The following TGFBR1 variants were observed in gnomAD, a reference collection of about 807,000 sequenced individuals.
TGFBR1 encodes the protein TGF-beta receptor type-1.
Under a neutral mutation model 55.1 loss-of-function variants are expected in TGFBR1, and 20 were observed. That is an observed-to-expected ratio of 0.36 (90% CI 0.26 to 0.53). The LOEUF (loss-of-function observed/expected upper bound fraction) is 0.53. Ranked by LOEUF, TGFBR1 falls within the 20% of genes least tolerant of loss-of-function variation. The pLI, the probability that TGFBR1 is intolerant of heterozygous loss-of-function variation, is 0.91. For synonymous variants in TGFBR1, 220 were observed against 214.8 expected (o/e 1.02, Z -0.21); for missense variants, 385 against 617.6 (o/e 0.62, Z 3.99).
chr9:99,120,362 G>A (rs541771579), intron 1 of TGFBR1, among the ~76,000 whole-genome samples: 2 of 152,260 alleles, frequency 1.3e-5, no homozygotes, highest in South Asian at 4.1e-4. Flanking sequence ...TATTGTTTTA[G>A]CACTCACCTT....
chr9:99,109,003 A>T (rs554408742), intron 1 of TGFBR1, among the ~76,000 whole-genome samples: 1 of 152,246 alleles, frequency 6.6e-6, no homozygotes, highest in Non-Finnish European at 1.5e-5. Flanking sequence ...AGGAACTTTG[A>T]TTTTCTGATT....
At chr9:99,131,700 G>C (rs1364472303) in intron 2 of TGFBR1, among the ~76,000 whole-genome samples, 4 of 152,172 alleles carry the variant, frequency 2.6e-5, no homozygotes, top group African/African-American at 9.7e-5. Flanking sequence ...GGCCGGGCAT[G>C]GCTCATGCCT....
In TGFBR1 at chr9:99,123,339, A is replaced by G. The variant is rs528650236; in HGVS notation, c.98-5516A>G. ...TGTGCATCTCAAGATTAAGAAAGCT[A>G]TGCCCACTGTTAAAGACTGGGGCAT... On this transcript the variant is annotated intron_variant, in intron 1 of 8. Transcript: ENST00000374994. Among the ~76,000 whole-genome samples, 5 of 152,268 alleles carry G rather than the reference A, an allele frequency of 3.3e-5. No individual in the cohort carries two copies. The South Asian group carries it at 8.3e-4, about 25-fold the overall frequency.
At chr9:99,142,289 G>A (rs963614461) in intron 4 of TGFBR1, among the ~76,000 whole-genome samples, 2 of 152,158 alleles carry the variant, frequency 1.3e-5, no homozygotes, top group Middle Eastern at 3.2e-3. Context: ...CACCATCTTT[G>A]TCTCTTAAAT....
intron 1 of TGFBR1, among the ~76,000 whole-genome samples, chr9:99,109,610 G>A (rs1010570892): frequency 6.6e-6 from 1 of 152,158 alleles, no homozygotes; most frequent in African/African-American, 2.4e-5. Context: ...TCCTATGGAT[G>A]GCCCTTCTGA....
chr9:99,132,860 G>T lies in TGFBR1; in HGVS notation c.574+121G>T, dbSNP rs915474554. The T allele has an allele frequency of 1.3e-4, 176 of 1,332,764 alleles. 1 individual carries two copies. Among genetic ancestry groups the T allele is most frequent in the Middle Eastern group, 5.1e-4 (2 of 3,912 alleles). The allele number at this position is 1,332,764 out of a possible 1,614,324, so 82.6% of individuals were successfully genotyped here. A position where few individuals can be genotyped will look rare whatever the true frequency, so the allele number is the denominator to read the frequency against. ...TGAGATAGTATAAATAATATTGCAG[G>T]TTTGAACCTAATAAAAATCTTTAAG... On this transcript the variant is annotated intron_variant, in intron 3 of 8. Coordinates refer to ENST00000374994, the MANE Select transcript of TGFBR1 (RefSeq NM_004612.4).
intron 1 of TGFBR1, among the ~76,000 whole-genome samples, chr9:99,110,016 G>GATCC (rs1487959947): frequency 6.6e-6 from 1 of 152,130 alleles, no homozygotes; most frequent in Non-Finnish European, 1.5e-5. Context: ...CTCTGAATTA[G>GATCC]ATCCAATTTT....
In TGFBR1 at chr9:99,105,309, G is replaced by GGCGGC. The variant is rs1244839981; in HGVS notation, c.97+14_97+18dup. On this transcript the variant is annotated splice_region_variant and intron_variant, in intron 1 of 8. Transcript: ENST00000374994. ...CTGCTCCCGGGGGCGACGGGTGAGC[G>GGCGGC]GCGGCGCGGCGGGCGGGCGACTGCG... 7.1e-6 allele frequency: 7 copies of GGCGGC among 981,870 alleles called. No individual in the cohort carries two copies. Among genetic ancestry groups the GGCGGC allele is most frequent in the Non-Finnish European group, 8.4e-6 (7 of 829,198 alleles). 60.8% of individuals were successfully genotyped at this position (981,870 alleles called of 1,614,324 possible).
chr9:99,137,780 C>A, intron 3 of TGFBR1, 79 bp from the exon 4 acceptor site: 2 of 1,131,178 alleles, frequency 1.8e-6, no homozygotes, highest in Non-Finnish European at 2.7e-6. Flanking sequence ...TTTTCTGGGT[C>A]ACTCATTAGT....
At chr9:99,128,255 T>C (rs1339957266) in intron 1 of TGFBR1, among the ~76,000 whole-genome samples, 1 of 152,160 alleles carries the variant, frequency 6.6e-6, no homozygotes, top group Admixed American at 6.5e-5. Context: ...TCTGCTTGGC[T>C]TCCCTAAGAG....
At chr9:99,139,244 C>A (rs537466393) in intron 4 of TGFBR1, among the ~76,000 whole-genome samples, 1 of 151,308 alleles carries the variant, frequency 6.6e-6, no homozygotes, top group African/African-American at 2.4e-5. Context: ...TTGGCCAGAC[C>A]TGTAGTCATC....
At chr9:99,148,361 G>C (rs754328318) in intron 8 of TGFBR1, among the ~76,000 whole-genome samples, 7 of 152,152 alleles carry the variant, frequency 4.6e-5, no homozygotes, top group Non-Finnish European at 1.0e-4. Flanking sequence ...AAAAGTTTTA[G>C]AAACGTTTTT....
chr9:99,147,631 TA>T (rs761059893), intron 7 of TGFBR1, 22 bp from the exon 8 acceptor site: 1 of 1,609,510 alleles, frequency 6.2e-7, no homozygotes, highest in African/African-American at 1.3e-5. Flanking sequence ...CATCAAAATT[TA>T]ATTTTTTTTA....
chr9:99,127,906 G>A (rs1459434462), intron 1 of TGFBR1: 1 of 455,970 alleles, frequency 2.2e-6, no homozygotes, highest in Admixed American at 2.3e-5. Flanking sequence ...GAGGCATGGT[G>A]TTAGATGGCA....
intron 8 of TGFBR1, 124 bp from the exon 9 acceptor site, chr9:99,149,056 A>T (rs1588598383): frequency 1.9e-6 from 2 of 1,042,468 alleles, no homozygotes; most frequent in East Asian, 5.3e-5. Flanking sequence ...TGCTATTACA[A>T]ATAATGCTTA....
chr9:99,142,506 C>T (rs186741374), intron 4 of TGFBR1, 30 bp from the exon 5 acceptor site: 9 of 1,613,524 alleles, frequency 5.6e-6, no homozygotes. Context: ...TGGTCTGCAG[C>T]CCAACCGAAA....
At chr9:99,130,708 G>T (rs1827196937) in intron 2 of TGFBR1, among the ~76,000 whole-genome samples, 2 of 152,140 alleles carry the variant, frequency 1.3e-5, no homozygotes. Flanking sequence ...GAGTTCAAAA[G>T]AAGTAGTCTG....
intron 1 of TGFBR1, among the ~76,000 whole-genome samples, chr9:99,115,670 G>T (rs1163894278): frequency 6.6e-6 from 1 of 152,008 alleles, no homozygotes; most frequent in Non-Finnish European, 1.5e-5. Flanking sequence ...CTCTAATTGG[G>T]TCTCTTTGTT....
In TGFBR1 at chr9:99,149,455, A is replaced by G. The variant is rs1342884267; in HGVS notation, c.*150A>G. ...TAATAAAGTCAATTAAAAACTTCCC[A>G]GGATTTCTTTGGACCCAGGAAACAG... On this transcript the variant is annotated 3_prime_UTR_variant, in exon 9 of 9. Transcript: ENST00000374994. 1 of 1,154,432 alleles carries G rather than the reference A, an allele frequency of 8.7e-7. No individual in the cohort carries two copies. Among genetic ancestry groups the G allele is most frequent in the Non-Finnish European group, 1.3e-6 (1 of 798,410 alleles). The allele number at this position is 1,154,432 out of a possible 1,614,324, so 71.5% of individuals were successfully genotyped here.
Sources: gnomAD v4.1 joint callset for allele counts (sites outside exome capture counted in the v4.1 genomes callset) on GRCh38, gnomAD v4.1.1 for gene constraint, MANE v1.5 for transcripts, NCBI Gene and HGNC (gene_info 2026-07-23, HGNC 2026-07-21) for gene names.